Variants in TGM4 observed in about 807,000 individuals in gnomAD.
The protein encoded by TGM4 is transglutaminase 4, also known as protein-glutamine gamma-glutamyltransferase 4.
In TGM4, 61 loss-of-function variants were observed where a neutral mutation model predicts 76.3. The ratio of observed to expected loss-of-function variants is 0.80; its 90% CI spans 0.65 to 0.99. The LOEUF (loss-of-function observed/expected upper bound fraction) is 0.99. Ranked by LOEUF, TGM4 falls within the 50% of genes least tolerant of loss-of-function variation. The pLI is 0.00. For synonymous variants in TGM4, 337 were observed against 329.8 expected, an observed-to-expected ratio of 1.02 and a Z score of -0.24; for missense variants, 794 against 843.2, an observed-to-expected ratio of 0.94 and a Z score of 0.72.
chr3:44,903,088 C>T (rs865889878), intron 8 of TGM4, among the ~76,000 whole-genome samples: 5 of 152,214 alleles, frequency 3.3e-5, no homozygotes, highest in East Asian at 1.9e-4. Flanking sequence ...TGAACAGCAT[C>T]GGTTTGAACT....
chr3:44,905,466 T>C (rs1416872382), intron 9 of TGM4, among the ~76,000 whole-genome samples: 2 of 152,186 alleles, frequency 1.3e-5, no homozygotes, highest in Non-Finnish European at 2.9e-5. Flanking sequence ...AAGGTTCTTC[T>C]AGGAATAAGT....
chr3:44,907,265 A>C, intron 10 of TGM4, 65 bp downstream of exon 10: 1 of 1,567,830 alleles, frequency 6.4e-7, no homozygotes, highest in South Asian at 1.2e-5. Flanking sequence ...AAAATAGTCA[A>C]GATTGGGGGT....
At chr3:44,897,662 G>A (rs1699798131) in intron 6 of TGM4, among the ~76,000 whole-genome samples, 1 of 151,836 alleles carries the variant, frequency 6.6e-6, no homozygotes, top group South Asian at 2.1e-4. Flanking sequence ...AAATTATTAA[G>A]GACCCCAAAT....
At chr3:44,880,547 TG>T (rs1460941959) in intron 1 of TGM4, among the ~76,000 whole-genome samples, 2 of 151,194 alleles carry the variant, frequency 1.3e-5, no homozygotes, top group East Asian at 3.9e-4. Flanking sequence ...CACTGGGGGG[TG>T]GGGGAATGTG....
chr3:44,907,552 A>G (rs144569549), intron 10 of TGM4, among the ~76,000 whole-genome samples: 1 of 152,186 alleles, frequency 6.6e-6, no homozygotes, highest in Non-Finnish European at 1.5e-5. Context: ...CCTTGCTAAG[A>G]CTGTCCGTTC....
chr3:44,884,285 T>C (rs1699569620), intron 1 of TGM4, among the ~76,000 whole-genome samples: 1 of 152,170 alleles, frequency 6.6e-6, no homozygotes, highest in Admixed American at 6.5e-5. Context: ...CACATTTCCC[T>C]TCATGACTCA....
chr3:44,874,640 TAG>T lies in TGM4; in HGVS notation c.-36_-35del, dbSNP rs1559606179. 4 of 1,613,802 alleles carry T rather than the reference TAG, an allele frequency of 2.5e-6. No homozygotes were observed. The South Asian group carries it at 3.3e-5, about 13-fold the overall frequency. ...GTGTGGAAGCACCAGGCATCAGAGA[TAG>T]AGTCTTCCCTGGCATTGCAGGAGAG... On this transcript the variant is annotated 5_prime_UTR_variant, in exon 1 of 14. Transcript: ENST00000296125.
intron 4 of TGM4, 36 bp from the exon 5 acceptor site, chr3:44,893,541 G>GA (rs756827906): frequency 3.5e-5 from 56 of 1,583,000 alleles, no homozygotes; most frequent in Non-Finnish European, 4.9e-5. Flanking sequence ...TCCCAGGGCA[G>GA]AATATAACCT....
intron 10 of TGM4, among the ~76,000 whole-genome samples, chr3:44,908,463 G>C (rs1369825375): frequency 6.6e-6 from 1 of 151,738 alleles, no homozygotes; most frequent in East Asian, 1.9e-4. Context: ...AAAGGATAGA[G>C]AGGGAGACCA....
Position 44,911,329 on chromosome 3 carries a change from C to G in TGM4, c.1836C>G (p.Thr612=), listed in dbSNP as rs767938505. 3.1e-6 allele frequency: 5 copies of G among 1,614,220 alleles called. No homozygotes were observed. The highest frequency in any genetic ancestry group is 1.1e-5 in the South Asian group (1 of 91,084). The change falls in exon 13 of 14, where the codon ACC becomes ACG. Residue 612 remains threonine (T), a synonymous_variant. Transcript: ENST00000296125. ...TCTGCAATTGTATCTTCAAGAATACCCTGGCCATCCCTTTGACTGACGTCA... is the reference window on the plus strand; with the variant it reads ...TCTGCAATTGTATCTTCAAGAATACGCTGGCCATCCCTTTGACTGACGTCA... ...LLVCNCIFKN[T]LAIPLTDVKF...
chr3:44,901,731 G>T (rs1282025746), intron 7 of TGM4, 33 bp downstream of exon 7: 3 of 1,612,718 alleles, frequency 1.9e-6, no homozygotes, highest in East Asian at 4.5e-5. Flanking sequence ...GAGGGGAGAG[G>T]TCCCAAGGGA....
chr3:44,884,215 C>A, intron 1 of TGM4, among the ~76,000 whole-genome samples: 1 of 152,268 alleles, frequency 6.6e-6, no homozygotes, highest in Non-Finnish European at 1.5e-5. Context: ...GTATCAGAAT[C>A]GCTGGGGGAG....
At position 44,884,536 on chromosome 3, in the gene TGM4, GTGCAGTGGCT is replaced by G. The variant is rs2125748569; in HGVS notation, c.20-786_20-777del. 1.3e-5 allele frequency among the ~76,000 whole-genome samples: 2 copies of G among 152,224 alleles called. 1 individual carries two copies. The highest frequency in any genetic ancestry group is 4.2e-4 in the South Asian group (2 of 4,812). ...GTCTCACTCTGTCACCCATTCTGGA[GTGCAGTGGCT>G]TGATCTCGGCTCCTGATCTCAGGTG... On this transcript the variant is annotated intron_variant, in intron 1 of 13. Coordinates refer to ENST00000296125, the MANE Select transcript of TGM4 (RefSeq NM_003241.4).
At chr3:44,909,971 C>A (rs1699977384) in intron 10 of TGM4, 119 bp from the exon 11 acceptor site, 2 of 1,103,350 alleles carry the variant, frequency 1.8e-6, no homozygotes, top group Non-Finnish European at 2.6e-6. Context: ...AGCTCATGGG[C>A]TCCAGGGATG....
chr3:44,886,335 C>T (rs1161060532), intron 2 of TGM4, among the ~76,000 whole-genome samples: 2 of 151,588 alleles, frequency 1.3e-5, no homozygotes, highest in African/African-American at 2.4e-5. Flanking sequence ...AGTGAAACTC[C>T]GTCTCAAAAA....
At position 44,911,112 on chromosome 3, in the gene TGM4, T is replaced by C; in HGVS notation, c.1761T>C (p.Pro587=). 6.2e-7 allele frequency: 1 copy of C among 1,614,210 alleles called. No homozygotes were observed. The highest frequency in any genetic ancestry group is 8.5e-7 in the Non-Finnish European group (1 of 1,180,038). ...AAGTATTCACGTCTTTCCAGTACCC[T>C]GAGTTCTCTATAGAGGTGAGCTTCC... is the stretch of plus-strand genomic sequence containing the variant. The part of the protein sequence containing the change: ...ASEVFTSFQY[P]EFSIELPNTG... The change falls in exon 12 of 14, where the codon CCT becomes CCC. Residue 587 remains proline (P), a synonymous_variant. Coordinates refer to ENST00000296125, the MANE Select transcript of TGM4 (RefSeq NM_003241.4).
At chr3:44,879,999 A>G (rs139692794) in intron 1 of TGM4, among the ~76,000 whole-genome samples, 20 of 150,258 alleles carry the variant, frequency 1.3e-4, no homozygotes, top group Non-Finnish European at 7.4e-5. Context: ...GGGTTTCTCT[A>G]TGTTGCCCAG....
At chr3:44,887,233 C>T (rs1056529099) in intron 2 of TGM4, among the ~76,000 whole-genome samples, 1 of 152,208 alleles carries the variant, frequency 6.6e-6, no homozygotes, top group Non-Finnish European at 1.5e-5. Flanking sequence ...CATAAACTGA[C>T]CGACCTTTCA....
At chr3:44,879,453 T>A (rs1278110986) in intron 1 of TGM4, among the ~76,000 whole-genome samples, 1 of 149,396 alleles carries the variant, frequency 6.7e-6, no homozygotes, top group Non-Finnish European at 1.5e-5. Context: ...ATTACAGGCA[T>A]GTGCCACCAA....
Sources: allele counts gnomAD v4.1 joint callset (sites outside exome capture counted in the v4.1 genomes callset), GRCh38; gene constraint gnomAD v4.1.1; transcripts MANE v1.5; gene names NCBI Gene and HGNC (gene_info 2026-07-23, HGNC 2026-07-21).